ZNF223: variants seen among roughly 807,000 people sequenced by gnomAD.
ZNF223 encodes the protein zinc finger protein 223.
ZNF223 carries 9 observed loss-of-function variants against 12.3 expected under a neutral mutation model. That is an observed-to-expected ratio of 0.73 (90% CI 0.44 to 1.28). The LOEUF is 1.28. ZNF223 is among the 50% of genes most tolerant of loss of function. The probability of loss-of-function intolerance (pLI) is 0.00; values close to 1 mark genes in which losing one functional copy is unlikely to be tolerated. For missense variants in ZNF223, 506 were observed against 579.0 expected (o/e 0.87, Z 1.29); for synonymous variants, 171 against 195.2 (o/e 0.88, Z 1.03).
chr19:44,056,025 T>G (rs1976758299), intron 2 of ZNF223, among the ~76,000 whole-genome samples: 1 of 152,036 alleles, frequency 6.6e-6, no homozygotes, highest in African/African-American at 2.4e-5. Flanking sequence ...ACCTGTTGTG[T>G]GGATGTCTGG....
intron 2 of ZNF223, among the ~76,000 whole-genome samples, chr19:44,058,694 C>T (rs370557902): frequency 6.6e-6 from 1 of 152,336 alleles, no homozygotes; most frequent in African/African-American, 2.4e-5. Context: ...GTTTTTTGAA[C>T]CTTCCTGAGG....
intron 4 of ZNF223, among the ~76,000 whole-genome samples, chr19:44,062,967 A>G (rs1294763190): frequency 2.0e-5 from 3 of 152,122 alleles, no homozygotes; most frequent in Non-Finnish European, 4.4e-5. Context: ...TTTTCTTTAC[A>G]TTATGCAAAT....
intron 2 of ZNF223, 77 bp from the exon 3 acceptor site, chr19:44,060,378 C>G (rs1300656792): frequency 6.4e-7 from 1 of 1,572,856 alleles, no homozygotes; most frequent in Non-Finnish European, 8.6e-7. Flanking sequence ...CATTTTTCCT[C>G]TTGGCCTCCT....
chr19:44,055,877 A>G (rs561138186), intron 2 of ZNF223, among the ~76,000 whole-genome samples: 5 of 152,296 alleles, frequency 3.3e-5, no homozygotes, highest in African/African-American at 1.2e-4. Context: ...GAGGTTCCTG[A>G]TCTCTTCTCC....
intron 1 of ZNF223, among the ~76,000 whole-genome samples, chr19:44,054,296 A>G (rs759403999): frequency 7.9e-5 from 12 of 151,370 alleles, no homozygotes; most frequent in Admixed American, 2.0e-4. Context: ...TTGTCCCTTC[A>G]TTGGTGATCT....
rs1353607464 is a variant in ZNF223 at position 44,055,122 on chromosome 19, T to C, written c.-55T>C. The C allele has an allele frequency of 6.3e-7, 1 of 1,591,696 alleles. No homozygotes were observed. Among genetic ancestry groups the C allele is most frequent in the East Asian group, 2.2e-5 (1 of 44,730 alleles). ...GGCACTTTCCAGGCACAATTCTGCT[T>C]TCCCTGGAACTGTGTCATTCAGGAC... On this transcript the variant is annotated 5_prime_UTR_variant, in exon 2 of 5. Transcript: ENST00000434772.
intron 1 of ZNF223, among the ~76,000 whole-genome samples, chr19:44,054,637 T>G (rs1055565794): frequency 1.2e-4 from 18 of 152,160 alleles, no homozygotes; most frequent in African/African-American, 4.3e-4. Flanking sequence ...AGTGGGGTAA[T>G]CATCATCATA....
intron 3 of ZNF223, 43 bp downstream of exon 3, chr19:44,060,624 A>T: frequency 6.2e-7 from 1 of 1,613,538 alleles, no homozygotes; most frequent in Non-Finnish European, 8.5e-7. Context: ...AGGCCCCAGG[A>T]GTGGTTTTGT....
In ZNF223 at chr19:44,060,579, T is replaced by G. The variant is rs1976824260; in HGVS notation, c.140T>G (p.Val47Gly). The change falls in exon 3 of 5, where the codon GTG becomes GGG. Residue 47 changes from valine (V) to glycine (G), a missense_variant and splice_region_variant. By Grantham distance (109) the Val-to-Gly change is moderately radical. Transcript: ENST00000434772. ...GAGAACTTCAGGAACCTGCTGTCAG[T>G]GGGTGAGGACAGGCATCTTCTATAA... ...MLENFRNLLS[V>G]GHQPFHRDTF... The G allele has an allele frequency of 6.2e-7, 1 of 1,613,870 alleles. No individual in the cohort carries two copies. The highest frequency in any genetic ancestry group is 8.5e-7 in the Non-Finnish European group (1 of 1,179,988).
At chr19:44,062,648 A>ATT (rs35674862) in intron 4 of ZNF223, among the ~76,000 whole-genome samples, 1 of 147,638 alleles carries the variant, frequency 6.8e-6, no homozygotes, top group African/African-American at 2.5e-5. Context: ...TAAGCATAGC[A>ATT]TTTTTTTTTT....
At position 44,066,998 on chromosome 19, in the gene ZNF223, C is replaced by T. The variant is rs1005225650; in HGVS notation, c.1170C>T (p.His390=). ...SYITKSGLDL[H]HRAHTGERPY... ...TTACTAAGTCAGGTCTTGACTTGCA[C>T]CATAGAGCCCACACAGGAGAGAGAC... Residue 390 remains histidine, a synonymous_variant, in exon 5 of 5, where the codon CAC becomes CAT. Transcript: ENST00000434772. 1.2e-6 allele frequency: 2 copies of T among 1,613,046 alleles called. No individual in the cohort carries two copies. The highest frequency in any genetic ancestry group is 2.2e-5 in the South Asian group (2 of 91,032).
chr19:44,060,675 A>T (rs1430841153), intron 3 of ZNF223, 74 bp from the exon 4 acceptor site: 1 of 1,613,522 alleles, frequency 6.2e-7, no homozygotes, highest in South Asian at 1.1e-5. Context: ...TGGGAACCTA[A>T]ATTTCCAATA....
Position 44,067,146 on chromosome 19 carries a change from C to A in ZNF223, c.1318C>A (p.Arg440=). The part of the protein sequence containing the change: ...CEDCGKKLVY[R]SYRKDQQKNH... ...GGATTGTGGAAAGAAGCTTGTATAC[C>A]GGTCATACCGTAAAGACCAACAAAA... The change falls in exon 5 of 5, where the codon CGG becomes AGG. Residue 440 remains arginine (R), a synonymous_variant. Transcript: ENST00000434772. 6.2e-7 allele frequency: 1 copy of A among 1,613,466 alleles called. No individual in the cohort carries two copies.
rs940363455 is a variant in ZNF223, at chr19:44,067,660, A to G, written c.*383A>G. On this transcript the variant is annotated 3_prime_UTR_variant, in exon 5 of 5. Coordinates refer to ENST00000434772, the MANE Select transcript of ZNF223 (RefSeq NM_013361.6). ...GTTAGTGTTTCAGCCATAGCTCAGC[A>G]TACCCCAGTGGTCGTGGGACTGTCA... The G allele has an allele frequency of 1.2e-5, 5 of 400,538 alleles. 1 individual carries two copies. Among genetic ancestry groups the G allele is most frequent in the South Asian group, 4.1e-5 (2 of 48,740 alleles). The allele number at this position is 400,538 out of a possible 1,614,324, so 24.8% of individuals were successfully genotyped here.
At chr19:44,054,797 G>A (rs767232036) in intron 1 of ZNF223, among the ~76,000 whole-genome samples, 12 of 152,130 alleles carry the variant, frequency 7.9e-5, no homozygotes, top group South Asian at 2.1e-4. Flanking sequence ...AAATGGAATC[G>A]TAGGGTCTGT....
intron 2 of ZNF223, among the ~76,000 whole-genome samples, chr19:44,059,364 C>G (rs887213892): frequency 2.0e-5 from 3 of 152,194 alleles, no homozygotes; most frequent in East Asian, 1.9e-4. Context: ...CCAGCTCTCT[C>G]TCATGTGGCA....
chr19:44,060,245 C>A (rs975012610), intron 2 of ZNF223: 3 of 823,950 alleles, frequency 3.6e-6, no homozygotes, highest in African/African-American at 3.4e-5. Flanking sequence ...CACAAGACTT[C>A]TTTGTCGTTG....
intron 4 of ZNF223, 89 bp from the exon 5 acceptor site, chr19:44,065,975 A>C: frequency 6.7e-7 from 1 of 1,500,772 alleles, no homozygotes; most frequent in East Asian, 2.3e-5. Flanking sequence ...ACATTCGTTG[A>C]AGTTTCATAC....
rs1190896158 is a variant in ZNF223, at chr19:44,066,944, C to T, written c.1116C>T (p.Tyr372=). 1.2e-6 allele frequency: 2 copies of T among 1,614,158 alleles called. No individual in the cohort carries two copies. The highest frequency in any genetic ancestry group is 1.7e-6 in the Non-Finnish European group (2 of 1,180,032). ...HQRVHTGEKP[Y]KCDKCGKSYI... is the part of the protein sequence containing the mutation. ...GAGTCCACACTGGAGAAAAGCCATA[C>T]AAATGTGACAAGTGTGGGAAGAGCT... The change falls in exon 5 of 5, where the codon TAC becomes TAT. Residue 372 remains tyrosine, a synonymous_variant. Transcript: ENST00000434772.
Sources: allele counts gnomAD v4.1 joint callset (sites outside exome capture counted in the v4.1 genomes callset), GRCh38; gene constraint gnomAD v4.1.1; transcripts MANE v1.5; gene names NCBI Gene and HGNC (gene_info 2026-07-23, HGNC 2026-07-21).